The following ADAMTSL4 variants were observed in gnomAD, a reference collection of about 807,000 sequenced individuals.
ADAMTSL4 encodes the protein ADAMTS like 4.
ADAMTSL4 carries 97 observed loss-of-function variants against 122.8 expected under a neutral mutation model. The ratio of observed to expected loss-of-function variants is 0.79; its 90% CI spans 0.67 to 0.93. The LOEUF (loss-of-function observed/expected upper bound fraction) is 0.93. Among genes scored for constraint, ADAMTSL4 ranks in the 40% least tolerant of loss-of-function variants. The probability of loss-of-function intolerance (pLI) is 0.00; values close to 1 mark genes in which losing one functional copy is unlikely to be tolerated. For missense variants in ADAMTSL4, 1,408 were observed against 1,453.5 expected (o/e 0.97, Z 0.51); for synonymous variants, 592 against 568.0 (o/e 1.04, Z -0.60).
intron 8 of ADAMTSL4, chr1:150,555,854 CACAT>C: frequency 6.6e-6 from 4 of 607,250 alleles, no homozygotes; most frequent in South Asian, 1.9e-5. Context: ...CATGTAGACA[CACAT>C]GCATGAACAC....
In ADAMTSL4 at chr1:150,556,401, C is replaced by T. The variant is rs1199410094; in HGVS notation, c.1576+35C>T. The T allele has an allele frequency of 1.2e-6, 2 of 1,612,214 alleles. No individual in the cohort carries two copies. Among genetic ancestry groups the T allele is most frequent in the African/African-American group, 2.7e-5 (2 of 75,018 alleles). Reference sequence around the variant, plus strand: ...CAGCTGCCTCCCCTTCCACTTCCGTCTCTGTTCGGCCCTCCATACCCCTAC... The same window carrying T: ...CAGCTGCCTCCCCTTCCACTTCCGTTTCTGTTCGGCCCTCCATACCCCTAC... On this transcript the variant is annotated intron_variant, in intron 9 of 18. Transcript: ENST00000271643. The surrounding 1 kb of genome is among the most constrained non-coding windows in gnomAD (Gnocchi z 4.1).
At chr1:150,553,404 C>A in intron 5 of ADAMTSL4, 22 bp from the exon 6 acceptor site, 1 of 1,613,298 alleles carries the variant, frequency 6.2e-7, no homozygotes, top group Non-Finnish European at 8.5e-7. Context: ...GCTGTGCCCC[C>A]ACATCTGAAA....
chr1:150,555,777 ACATG>A (rs1245741621), intron 8 of ADAMTSL4, among the ~76,000 whole-genome samples: 7 of 148,976 alleles, frequency 4.7e-5, no homozygotes, highest in African/African-American at 1.6e-4. Context: ...ATATGCAGAC[ACATG>A]CATGCACATG....
chr1:150,554,584 G>C lies in ADAMTSL4; in HGVS notation c.1234+117G>C, dbSNP rs113553233. ...CTTCCAGCCCCTCTGCTTCCCCTGC[G>C]CCATGCCTTCTTTCTTCTCCCTGGG... is the stretch of plus-strand genomic sequence containing the variant. On this transcript the variant is annotated intron_variant, in intron 7 of 18. Coordinates refer to ENST00000271643, the MANE Select transcript of ADAMTSL4 (RefSeq NM_019032.6). This position sits in a 1 kb window ranked among gnomAD's most constrained non-coding sequence, Gnocchi z 4.0. The C allele has an allele frequency of 6.4e-7, 1 of 1,553,860 alleles. No homozygotes were observed.
Position 150,554,516 on chromosome 1 carries a change from T to C in ADAMTSL4, c.1234+49T>C, listed in dbSNP as rs1471187972. The C allele has an allele frequency of 8.7e-6, 14 of 1,611,522 alleles. No homozygotes were observed. The highest frequency in any genetic ancestry group is 2.5e-6 in the Non-Finnish European group (3 of 1,178,908). On this transcript the variant is annotated intron_variant, in intron 7 of 18. Coordinates refer to ENST00000271643, the MANE Select transcript of ADAMTSL4 (RefSeq NM_019032.6). The surrounding 1 kb of genome is among the most constrained non-coding windows in gnomAD (Gnocchi z 4.0). The stretch of plus-strand genomic sequence containing the variant: ...GGCAGTGGTGGCTTGGAATTGGGGA[T>C]GAAGGGGAGAGGAGATACCTGCTTA...
At chr1:150,558,240 A>C in intron 14 of ADAMTSL4, 91 bp downstream of exon 14, 1 of 1,589,924 alleles carries the variant, frequency 6.3e-7, no homozygotes, top group Non-Finnish European at 8.6e-7. Flanking sequence ...TCATCAGCAG[A>C]AACTATTTAC....
Position 150,559,290 on chromosome 1 carries a change from T to C in ADAMTSL4, c.2767T>C (p.Ser923Pro). The stretch of plus-strand genomic sequence containing the variant: ...CCCTGCCCTCCCCCTACACTAGTGC[T>C]CCTCCGAATGTGGCTCTGGCACACA... ...RWYTGPWGEC[S>P]SECGSGTQRR... Residue 923 changes from serine (S) to proline (P), a missense_variant, in exon 17 of 19, where the codon TCC (serine) becomes CCC (proline). Transcript: ENST00000271643. The surrounding 1 kb of genome is among the most constrained non-coding windows in gnomAD (Gnocchi z 4.1). 1 of 1,613,880 alleles carries C rather than the reference T, an allele frequency of 6.2e-7. No individual in the cohort carries two copies. The highest frequency in any genetic ancestry group is 1.7e-5 in the Admixed American group (1 of 60,002).
chr1:150,558,453 G>T lies in ADAMTSL4; in HGVS notation c.2383-20G>T. On this transcript the variant is annotated intron_variant, in intron 14 of 18. Transcript: ENST00000271643. ...AAGGTCTGGGAAGCCCAGCTCCCTG[G>T]ATTCCCCTCGCCCCCTCAGTGCTCC... 1 of 1,612,732 alleles carries T rather than the reference G, an allele frequency of 6.2e-7. No homozygotes were observed. Among genetic ancestry groups the T allele is most frequent in the Non-Finnish European group, 8.5e-7 (1 of 1,179,816 alleles).
rs1671773166 is a variant in ADAMTSL4 at position 150,554,317 on chromosome 1, C to T, written c.1132-48C>T. 3 of 1,578,220 alleles carry T rather than the reference C, an allele frequency of 1.9e-6. No homozygotes were observed. Among genetic ancestry groups the T allele is most frequent in the Admixed American group, 1.7e-5 (1 of 59,944 alleles). On this transcript the variant is annotated intron_variant, in intron 6 of 18. Coordinates refer to ENST00000271643, the MANE Select transcript of ADAMTSL4 (RefSeq NM_019032.6). This position sits in a 1 kb window ranked among gnomAD's most constrained non-coding sequence, Gnocchi z 4.0. Reference sequence around the variant, plus strand: ...CTCCCCAGGTTCAGCCCTGCCCCTACCCTCATTTTGCTCCCCAGCTCTGAC... The same window carrying T: ...CTCCCCAGGTTCAGCCCTGCCCCTATCCTCATTTTGCTCCCCAGCTCTGAC...
At chr1:150,558,262 C>T (rs1049749954) in intron 14 of ADAMTSL4, 113 bp downstream of exon 14, 2 of 1,557,204 alleles carry the variant, frequency 1.3e-6, no homozygotes, top group Non-Finnish European at 1.7e-6. Flanking sequence ...AACAGGGTTT[C>T]ATATGGACCC....
Position 150,553,130 on chromosome 1 carries a change from C to A in ADAMTSL4, c.311C>A (p.Pro104His), listed in dbSNP as rs775513427. The A allele has an allele frequency of 6.2e-7, 1 of 1,613,212 alleles. No homozygotes were observed. The highest frequency in any genetic ancestry group is 1.7e-5 in the Admixed American group (1 of 59,924). The change falls in exon 5 of 19, where the codon CCC (proline) becomes CAC (histidine). Residue 104 changes from proline (P) to histidine (H), a missense_variant. By Grantham distance (77) the Pro-to-His change is moderately conservative. Transcript: ENST00000271643. Reference sequence around the variant, plus strand: ...CTCCCCCGGGGCCAGGGTCCCAGACCCCAGACTTCTCCAGAAACCCTCCCC... The same window carrying A: ...CTCCCCCGGGGCCAGGGTCCCAGACACCAGACTTCTCCAGAAACCCTCCCC... ...ALLPRGQGPR[P>H]QTSPETLPLY... is the part of the protein sequence containing the mutation.
rs758599406 is a variant in ADAMTSL4, at chr1:150,556,700, G to T, written c.1656G>T (p.Gly552=). Residue 552 remains glycine (G), a synonymous_variant, in exon 10 of 19, where the codon GGG becomes GGT. Transcript: ENST00000271643. This position sits in a 1 kb window ranked among gnomAD's most constrained non-coding sequence, Gnocchi z 4.1. ...VDPPGSYRAG[G]TVFRYNRPPR... ...CCCCTGGGTCCTACAGGGCCGGCGGGACCGTCTTTCGATATAACCGTCCTC... is the reference window on the plus strand; with the variant it reads ...CCCCTGGGTCCTACAGGGCCGGCGGTACCGTCTTTCGATATAACCGTCCTC... The T allele has an allele frequency of 7.8e-5, 126 of 1,613,918 alleles. No homozygotes were observed. Among genetic ancestry groups the T allele is most frequent in the Non-Finnish European group, 1.0e-4 (122 of 1,180,004 alleles).
At chr1:150,555,783 A>G (rs587606932) in intron 8 of ADAMTSL4, among the ~76,000 whole-genome samples, 2 of 152,214 alleles carry the variant, frequency 1.3e-5, no homozygotes, top group East Asian at 3.9e-4. Flanking sequence ...AGACACATGC[A>G]TGCACATGTG....
In ADAMTSL4 at chr1:150,553,411, G is replaced by A. The variant is rs1054900736; in HGVS notation, c.435-15G>A. ...TGGTCAGAGCTGTGCCCCCACATCT[G>A]AAACACCTTCTCAGGTCCCGGCTTC... On this transcript the variant is annotated splice_polypyrimidine_tract_variant and intron_variant, in intron 5 of 18. Transcript: ENST00000271643. 6.2e-6 allele frequency: 10 copies of A among 1,613,672 alleles called. No individual in the cohort carries two copies. The highest frequency in any genetic ancestry group is 8.5e-6 in the Non-Finnish European group (10 of 1,179,852).
At position 150,560,552 on chromosome 1, in the gene ADAMTSL4, GC is replaced by G. The variant is rs1672661253; in HGVS notation, c.*357del. On this transcript the variant is annotated 3_prime_UTR_variant, in exon 19 of 19. Transcript: ENST00000271643. Reference sequence around the variant, plus strand: ...AAGGAAAGCAAGTCTGCAGTTCCTTGCTAATCTGAGCTACTTAGAGTGTGGT... The same window carrying G: ...AAGGAAAGCAAGTCTGCAGTTCCTTGTAATCTGAGCTACTTAGAGTGTGGT... The G allele has an allele frequency of 3.0e-6, 1 of 336,452 alleles. No homozygotes were observed. 20.8% of individuals were successfully genotyped at this position (336,452 alleles called of 1,614,324 possible). A position where few individuals can be genotyped will look rare whatever the true frequency, so the allele number is the denominator to read the frequency against.
chr1:150,550,519 G>A (rs1671296569), intron 2 of ADAMTSL4: 1 of 369,750 alleles, frequency 2.7e-6, no homozygotes, highest in African/African-American at 2.1e-5. Context: ...AGAGATCTCG[G>A]TGGCAGAGAG....
intron 2 of ADAMTSL4, chr1:150,551,015 A>C (rs1463543514): frequency 2.2e-6 from 1 of 456,078 alleles, no homozygotes; most frequent in Admixed American, 2.3e-5. Flanking sequence ...TGGAAAGCAG[A>C]ACTAAGAGTG....
chr1:150,556,559 G>T lies in ADAMTSL4; in HGVS notation c.1577-62G>T, dbSNP rs997602716. 1 of 1,607,710 alleles carries T rather than the reference G, an allele frequency of 6.2e-7. No individual in the cohort carries two copies. Among genetic ancestry groups the T allele is most frequent in the Non-Finnish European group, 8.5e-7 (1 of 1,175,134 alleles). ...GGAGCTTCTATAGGCTAAGGACACG[G>T]TGTGGGAGGAGGAAGGTATTATCAC... On this transcript the variant is annotated intron_variant, in intron 9 of 18. Transcript: ENST00000271643. The surrounding 1 kb of genome is among the most constrained non-coding windows in gnomAD (Gnocchi z 4.1).
Position 150,554,086 on chromosome 1 carries a change from T to A in ADAMTSL4, c.1095T>A (p.Ser365=). 1 of 1,601,792 alleles carries A rather than the reference T, an allele frequency of 6.2e-7. No homozygotes were observed. The highest frequency in any genetic ancestry group is 8.5e-7 in the Non-Finnish European group (1 of 1,179,934). ...CCAGTAGCCCTATTCCAAGATGTTC[T>A]GGGGAGAGTGAACAGCTAAGAGCCT... ...FAPSSPIPRC[S]GESEQLRACS... The change falls in exon 6 of 19, where the codon TCT becomes TCA. Residue 365 remains serine (S), a synonymous_variant. Transcript: ENST00000271643. The surrounding 1 kb of genome is among the most constrained non-coding windows in gnomAD (Gnocchi z 4.0).
Sources: gnomAD v4.1 joint callset for allele counts (sites outside exome capture counted in the v4.1 genomes callset) on GRCh38, gnomAD v4.1.1 for gene constraint, Gnocchi (gnomAD v3.1) non-coding constraint, MANE v1.5 for transcripts, NCBI Gene and HGNC (gene_info 2026-07-23, HGNC 2026-07-21) for gene names.